JMY: variants seen among roughly 807,000 people sequenced by gnomAD.
The protein encoded by JMY is junction mediating and regulatory protein, p53 cofactor.
Under a neutral mutation model 103.3 loss-of-function variants are expected in JMY, and 46 were observed. The ratio of observed to expected loss-of-function variants is 0.45; its 90% confidence interval spans 0.35 to 0.57. JMY has a LOEUF of 0.57. Ranked by LOEUF, JMY falls within the 20% of genes least tolerant of loss-of-function variation. JMY has a pLI of 0.00. For missense variants in JMY, 1,238 were observed against 1,255.2 expected (o/e 0.99, Z 0.21); for synonymous variants, 526 against 489.3 (o/e 1.07, Z -0.99).
At chr5:79,271,189 C>CT (rs1206848447) in intron 1 of JMY, among the ~76,000 whole-genome samples, 1 of 149,746 alleles carries the variant, frequency 6.7e-6, no homozygotes, top group African/African-American at 2.5e-5. Context: ...CCACACCTGG[C>CT]TATTTTTTTT....
Position 79,270,562 on chromosome 5 carries a change from A to ATGTT in JMY, c.1033-7347_1033-7346insGTTT, listed in dbSNP as rs1268669356. Among the ~76,000 whole-genome samples the ATGTT allele has an allele frequency of 1.3e-3, 168 of 130,188 alleles. 6 individuals are homozygous for ATGTT. Among genetic ancestry groups the ATGTT allele is most frequent in the Non-Finnish European group, 1.8e-3 (109 of 61,570 alleles). 85.4% of individuals were successfully genotyped at this position (130,188 alleles called of 152,430 possible). A position where few individuals can be genotyped will look rare whatever the true frequency, so the allele number is the denominator to read the frequency against. ...ATATTTAAAATGTATATTTACATAA[A>ATGTT]TATTTAAAATGTATATTTACATAAA... is the stretch of plus-strand genomic sequence containing the variant. On this transcript the variant is annotated intron_variant, in intron 1 of 10. Coordinates refer to ENST00000396137, the MANE Select transcript of JMY (RefSeq NM_152405.5).
At chr5:79,276,856 C>T (rs1376996224) in intron 1 of JMY, among the ~76,000 whole-genome samples, 6 of 152,194 alleles carry the variant, frequency 3.9e-5, no homozygotes, top group East Asian at 3.9e-4. Flanking sequence ...CCACCCCCCA[C>T]GGCCTCCCAA....
At chr5:79,278,198 G>A in intron 2 of JMY, 115 bp downstream of exon 2, 1 of 852,264 alleles carries the variant, frequency 1.2e-6, no homozygotes, top group Non-Finnish European at 1.7e-6. Flanking sequence ...GAAGGTACCT[G>A]GTCCTATTTC....
Position 79,323,071 on chromosome 5 carries a change from T to TTTA in JMY, c.*1475_*1477dup, listed in dbSNP as rs1314379347. 2.0e-5 allele frequency: 3 copies of TTTA among 152,286 alleles called. No homozygotes were observed. The highest frequency in any genetic ancestry group is 1.3e-4 in the Admixed American group (2 of 15,294). 9.4% of individuals were successfully genotyped at this position (152,286 alleles called of 1,614,324 possible). ...CAGGTTATGTAAGACAACAACTTTT[T>TTTA]TTATTATTTCAAAACAAAACAGGCA... On this transcript the variant is annotated 3_prime_UTR_variant, in exon 11 of 11. Transcript: ENST00000396137.
At chr5:79,294,633 G>T (rs1235941036) in intron 4 of JMY, among the ~76,000 whole-genome samples, 1 of 152,100 alleles carries the variant, frequency 6.6e-6, no homozygotes, top group Non-Finnish European at 1.5e-5. Context: ...AAGACGGGCG[G>T]ATCATCTGAG....
chr5:79,288,701 TTTTTG>T (rs1017645477), intron 2 of JMY, among the ~76,000 whole-genome samples: 38 of 151,920 alleles, frequency 2.5e-4, no homozygotes, highest in South Asian at 8.3e-4. Flanking sequence ...ATTCTAATTC[TTTTTG>T]TTTTGTTTTG....
At chr5:79,288,295 AT>A (rs1356821845) in intron 2 of JMY, among the ~76,000 whole-genome samples, 1 of 152,090 alleles carries the variant, frequency 6.6e-6, no homozygotes, top group Non-Finnish European at 1.5e-5. Context: ...AGGCACAAAA[AT>A]TTTTAGGCTT....
At chr5:79,299,619 C>G (rs1746671879) in intron 4 of JMY, among the ~76,000 whole-genome samples, 1 of 152,200 alleles carries the variant, frequency 6.6e-6, no homozygotes, top group South Asian at 2.1e-4. Flanking sequence ...GCAAGGATTT[C>G]CATCTAAAGC....
intron 6 of JMY, among the ~76,000 whole-genome samples, chr5:79,305,417 C>T (rs1367569475): frequency 3.9e-5 from 6 of 151,906 alleles, no homozygotes. Context: ...CATGCCACCA[C>T]ACTCCAGCCT....
At chr5:79,308,480 T>A (rs1468973862) in intron 7 of JMY, among the ~76,000 whole-genome samples, 1 of 152,234 alleles carries the variant, frequency 6.6e-6, no homozygotes, top group Non-Finnish European at 1.5e-5. Flanking sequence ...CTTTCTCCAT[T>A]GAATTGTCTT....
rs1032429187 is a variant in JMY, at chr5:79,284,829, C to T, written c.1207-5292C>T. 14 of 1,574,836 alleles carry T rather than the reference C, an allele frequency of 8.9e-6. No individual in the cohort carries two copies. The African/African-American group carries it at 1.2e-4, about 14-fold the overall frequency. On this transcript the variant is annotated intron_variant, in intron 2 of 10. Coordinates refer to ENST00000396137, the MANE Select transcript of JMY (RefSeq NM_152405.5). ...ACATAGCAGGTGCTTTCACATCATA[C>T]CAATCTTTCTTAGAAAATGGATCAA...
In JMY at chr5:79,236,556, G is replaced by A. The variant is rs1744501546; in HGVS notation, c.-95G>A. Reference sequence around the variant, plus strand: ...CGCACTAAGATGGCTGAAGGCGCCCGGCGAGGGTGAGCGGGGGGCGCGGCG... The same window carrying A: ...CGCACTAAGATGGCTGAAGGCGCCCAGCGAGGGTGAGCGGGGGGCGCGGCG... On this transcript the variant is annotated 5_prime_UTR_variant, in exon 1 of 11. Transcript: ENST00000396137. 1.9e-6 allele frequency: 2 copies of A among 1,056,464 alleles called. No homozygotes were observed. Among genetic ancestry groups the A allele is most frequent in the East Asian group, 3.3e-5 (1 of 30,376 alleles). The allele number at this position is 1,056,464 out of a possible 1,614,324, so 65.4% of individuals were successfully genotyped here.
chr5:79,250,254 T>A (rs1430616020), intron 1 of JMY, among the ~76,000 whole-genome samples: 2 of 152,230 alleles, frequency 1.3e-5, no homozygotes, highest in African/African-American at 4.8e-5. Context: ...CGGGTTGATC[T>A]TCAGCCTCCT....
rs577421241 is a variant in JMY at position 79,237,166 on chromosome 5, C to G, written c.516C>G (p.Pro172=). 6.5e-7 allele frequency: 1 copy of G among 1,549,260 alleles called. No individual in the cohort carries two copies. Among genetic ancestry groups the G allele is most frequent in the African/African-American group, 1.4e-5 (1 of 73,138 alleles). The change falls in exon 1 of 11, where the codon CCC becomes CCG. Residue 172 remains proline, a synonymous_variant. Coordinates refer to ENST00000396137, the MANE Select transcript of JMY (RefSeq NM_152405.5). ...GAAAAAARPA[P]REAQVSSVRI... is the part of the protein sequence containing the mutation. Reference sequence around the variant, plus strand: ...CCGCTGCAGCAGCCCGGCCGGCGCCCAGAGAGGCCCAGGTGTCCTCTGTAC... The same window carrying G: ...CCGCTGCAGCAGCCCGGCCGGCGCCGAGAGAGGCCCAGGTGTCCTCTGTAC...
intron 3 of JMY, 75 bp downstream of exon 3, chr5:79,290,346 T>A: frequency 9.4e-7 from 1 of 1,068,618 alleles, no homozygotes; most frequent in Non-Finnish European, 1.3e-6. Context: ...TCAGAAAAAT[T>A]ACATAGAAAA....
At chr5:79,294,412 A>C (rs1746509819) in intron 4 of JMY, among the ~76,000 whole-genome samples, 1 of 152,170 alleles carries the variant, frequency 6.6e-6, no homozygotes, top group South Asian at 2.1e-4. Context: ...GTCTAAAATA[A>C]AATAAAATTA....
rs1446472969 is a variant in JMY, at chr5:79,236,576, G to T, written c.-75G>T. On this transcript the variant is annotated 5_prime_UTR_variant, in exon 1 of 11. Coordinates refer to ENST00000396137, the MANE Select transcript of JMY (RefSeq NM_152405.5). ...CGCCCGGCGAGGGTGAGCGGGGGGC[G>T]CGGCGCAGCCAGCGGGGAGTCCTCG... 7 of 1,189,678 alleles carry T rather than the reference G, an allele frequency of 5.9e-6. No homozygotes were observed. The highest frequency in any genetic ancestry group is 7.6e-6 in the Non-Finnish European group (7 of 926,292). 73.7% of individuals were successfully genotyped at this position (1,189,678 alleles called of 1,614,324 possible).
Position 79,237,410 on chromosome 5 carries a change from C to G in JMY, c.760C>G (p.Pro254Ala). The G allele has an allele frequency of 6.2e-7, 1 of 1,613,574 alleles. No homozygotes were observed. Among genetic ancestry groups the G allele is most frequent in the Non-Finnish European group, 8.5e-7 (1 of 1,180,008 alleles). Reference sequence around the variant, plus strand: ...GTGCTCGGTGAACTCGCAGTTGGAGCCGTGCCTGCCGGTGTTCCCCGAGGA... The same window carrying G: ...GTGCTCGGTGAACTCGCAGTTGGAGGCGTGCCTGCCGGTGTTCCCCGAGGA... ...QLCSVNSQLEPCLPVFPEEPS... is the reference protein window; with the variant it reads ...QLCSVNSQLEACLPVFPEEPS... The change falls in exon 1 of 11, where the codon CCG (proline) becomes GCG (alanine). Residue 254 changes from proline (P) to alanine (A), a missense_variant. By Grantham distance (27) the Pro-to-Ala change is conservative. Coordinates refer to ENST00000396137, the MANE Select transcript of JMY (RefSeq NM_152405.5).
intron 1 of JMY, among the ~76,000 whole-genome samples, chr5:79,268,768 G>A (rs1004761866): frequency 2.6e-5 from 4 of 152,156 alleles, no homozygotes; most frequent in Non-Finnish European, 4.4e-5. Flanking sequence ...GATTACAGGC[G>A]TGAGCCACCG....
Sources: allele counts gnomAD v4.1 joint callset (sites outside exome capture counted in the v4.1 genomes callset), GRCh38; gene constraint gnomAD v4.1.1; transcripts MANE v1.5; gene names NCBI Gene and HGNC (gene_info 2026-07-23, HGNC 2026-07-21).